Variants in TAL1 observed in about 807,000 individuals in gnomAD.
TAL1 encodes the protein T-cell acute lymphocytic leukemia protein 1.
TAL1 carries 8 observed loss-of-function variants against 17.9 expected under a neutral mutation model. The observed-to-expected ratio is 0.45, with a 90% CI of 0.26 to 0.81. The LOEUF is 0.81. Among genes scored for constraint, TAL1 ranks in the 30% least tolerant of loss-of-function variants. The pLI is 0.17. For missense variants in TAL1, 466 were observed against 486.9 expected, an observed-to-expected ratio of 0.96 and a Z score of 0.40; for synonymous variants, 223 against 218.6, an observed-to-expected ratio of 1.02 and a Z score of -0.18.
At chr1:47,219,555 C>G in exon 4 of TAL1, 2 of 1,157,706 alleles carry the variant, frequency 1.7e-6, no homozygotes, top group Non-Finnish European at 2.5e-6. Context: ...AACAGAAAAG[C>G]CAGCCCCAGG....
upstream of TAL1, chr1:47,232,301 T>TC (rs1644030015): frequency 1.4e-5 from 2 of 147,790 alleles, no homozygotes; most frequent in Admixed American, 1.4e-4. Context: ...CGCGCTGTAA[T>TC]CCCACTCACG....
intron 1 of TAL1, 150 bp from the exon 3 acceptor site, chr1:47,226,039 G>A: frequency 1.4e-6 from 1 of 737,748 alleles, no homozygotes; most frequent in Non-Finnish European, 2.0e-6. Flanking sequence ...GCCACGTGGG[G>A]CTAGGGCGGG....
intron 1 of TAL1, 82 bp from the exon 3 acceptor site, chr1:47,225,971 G>A (rs1643904934): frequency 1.4e-6 from 2 of 1,387,728 alleles, no homozygotes; most frequent in Non-Finnish European, 1.9e-6. Flanking sequence ...GTAAAGGGGA[G>A]AAGGGCAGAG....
exon 4 of TAL1, chr1:47,217,949 C>T: frequency 2.5e-6 from 1 of 394,684 alleles, no homozygotes; most frequent in Non-Finnish European, 4.5e-6. Flanking sequence ...CTGAGTGCTA[C>T]AAAGGTGAAC....
At chr1:47,223,345 T>G (rs915114167) in intron 3 of TAL1, 1 of 152,136 alleles carries the variant, frequency 6.6e-6, no homozygotes, top group Admixed American at 6.5e-5. Context: ...CTCCCATTTG[T>G]CCAAACCACC....
chr1:47,223,213 G>A (rs897626797), intron 3 of TAL1, among the ~76,000 whole-genome samples: 1 of 152,154 alleles, frequency 6.6e-6, no homozygotes, highest in Admixed American at 6.6e-5. Flanking sequence ...CTGAAGTTCT[G>A]GGGGCATCTG....
chr1:47,223,030 C>A (rs1440791406), intron 3 of TAL1, among the ~76,000 whole-genome samples: 1 of 152,176 alleles, frequency 6.6e-6, no homozygotes, highest in Admixed American at 6.5e-5. Flanking sequence ...CTTTTGAAGT[C>A]TTTTCTGTTG....
chr1:47,224,090 A>G (rs891289303), exon 3 of TAL1: 12 of 1,613,816 alleles, frequency 7.4e-6, no homozygotes, highest in Non-Finnish European at 1.0e-5. Flanking sequence ...CGGCTCCCCA[A>G]AGAACCCGCT....
chr1:47,230,852 G>T (rs1291816467), upstream of TAL1: 1 of 152,200 alleles, frequency 6.6e-6, no homozygotes, highest in East Asian at 1.9e-4. Context: ...CCAGAGCCCG[G>T]ATTCGGCCTC....
At chr1:47,218,101 G>C (rs1171821570) in exon 4 of TAL1, 2 of 258,624 alleles carry the variant, frequency 7.7e-6, no homozygotes, top group African/African-American at 2.2e-5. Context: ...ACTATAAGGG[G>C]GGGCTTTCCA....
intron 3 of TAL1, among the ~76,000 whole-genome samples, chr1:47,221,369 T>G (rs984603145): frequency 6.6e-6 from 1 of 152,212 alleles, no homozygotes; most frequent in Non-Finnish European, 1.5e-5. Context: ...CTTGGCCCAA[T>G]AGTCACTAAC....
upstream of TAL1, among the ~76,000 whole-genome samples, chr1:47,231,943 A>C (rs1462850643): frequency 6.6e-6 from 1 of 152,120 alleles, no homozygotes; most frequent in Non-Finnish European, 1.5e-5. Context: ...GAAAAGGGGG[A>C]AGGAAGGAAG....
chr1:47,219,789 C>A (rs2148585022), exon 4 of TAL1: 1 of 1,611,748 alleles, frequency 6.2e-7, no homozygotes, highest in South Asian at 1.1e-5. Context: ...TGTGCTTGGG[C>A]GCGGGCTCCT....
intron 1 of TAL1, among the ~76,000 whole-genome samples, chr1:47,226,608 T>C (rs1229437839): frequency 6.6e-6 from 1 of 152,218 alleles, no homozygotes; most frequent in East Asian, 1.9e-4. Flanking sequence ...CTGTGAGTCC[T>C]CTGCCCGCCC....
At chr1:47,216,442 A>C (rs1210720585) in exon 4 of TAL1, 1 of 229,566 alleles carries the variant, frequency 4.4e-6, no homozygotes, top group East Asian at 6.2e-5. Context: ...TGGAGCGGTT[A>C]CTCCTCTTCT....
At chr1:47,219,929 C>A (rs1363279266) in exon 4 of TAL1, 2 of 1,519,416 alleles carry the variant, frequency 1.3e-6, no homozygotes, top group East Asian at 4.7e-5. Context: ...CCACCAGCCC[C>A]CACCACAGGG....
Position 47,219,867 on chromosome 1 carries a change from G to C in TAL1, c.849C>G (p.Asp283Glu), listed in dbSNP as rs747702992. ...CGCAGCTGGAGTTGGGGGAAAGCAC[G>C]TCTTGCAGGAGGTCATCTGGGGGCG... The change falls in exon 4 of 4, where the codon GAC becomes GAG. Residue 283 changes from aspartate (D) to glutamate (E), a missense_variant. By Grantham distance (45) the Asp-to-Glu change is conservative (BLOSUM62 2). Around this residue, in one of 5 missense-constraint regions of TAL1, gnomAD observed 134 missense variants for 122.0 expected, o/e 1.10. Coordinates refer to ENST00000294339, the Ensembl canonical transcript of TAL1. The C allele has an allele frequency of 5.7e-6, 9 of 1,591,682 alleles. No homozygotes were observed. The East Asian group carries it at 2.0e-4, about 36-fold the overall frequency.
chr1:47,232,070 CTT>C (rs931690067), upstream of TAL1: 5 of 229,482 alleles, frequency 2.2e-5, no homozygotes, highest in Non-Finnish European at 3.4e-5. Flanking sequence ...GCGAAGACCT[CTT>C]TTGCGGACGT....
upstream of TAL1, chr1:47,232,297 G>A (rs1644029955): frequency 6.2e-6 from 1 of 160,606 alleles, no homozygotes; most frequent in African/African-American, 2.4e-5. Flanking sequence ...CCGACGCGCT[G>A]TAATCCCACT....
Sources: gnomAD v4.1 joint callset for allele counts (sites outside exome capture counted in the v4.1 genomes callset) on GRCh38, gnomAD v4.1.1 for gene constraint, gnomAD v4.1.1 regional missense constraint, MANE v1.5 for transcripts, NCBI Gene and HGNC (gene_info 2026-07-23, HGNC 2026-07-21) for gene names.